Variants in EFR3A observed in about 807,000 individuals in gnomAD.
EFR3A encodes EFR3 homolog A.
In EFR3A, 76 loss-of-function variants were observed where a neutral mutation model predicts 104.4. The ratio of observed to expected loss-of-function variants is 0.73; its 90% confidence interval spans 0.60 to 0.88. The LOEUF is 0.88. Among genes scored for constraint, EFR3A ranks in the 40% least tolerant of loss-of-function variants. The pLI is 0.00. For missense variants in EFR3A, 985 were observed against 1,012.5 expected (o/e 0.97, Z 0.37); for synonymous variants, 330 against 330.0 (o/e 1.00, Z 0.00).
Position 131,904,336 on chromosome 8 carries a change from C to T in EFR3A, c.10+14C>T, listed in dbSNP as rs757992084. 1.6e-6 allele frequency: 2 copies of T among 1,250,624 alleles called. No individual in the cohort carries two copies. Among genetic ancestry groups the T allele is most frequent in the Admixed American group, 4.2e-5 (1 of 23,710 alleles). The allele number at this position is 1,250,624 out of a possible 1,614,324, so 77.5% of individuals were successfully genotyped here. A position where few individuals can be genotyped will look rare whatever the true frequency, so the allele number is the denominator to read the frequency against. ...CCATGCCTACCCGTGAGTGGCCGGC[C>T]GAGGGCCGGGGGCGTTGGGAGGCGA... On this transcript the variant is annotated intron_variant, in intron 1 of 22. Transcript: ENST00000254624.
intron 1 of EFR3A, among the ~76,000 whole-genome samples, chr8:131,907,570 G>C (rs1481177709): frequency 6.6e-6 from 1 of 152,032 alleles, no homozygotes. Flanking sequence ...CTCCATGTTT[G>C]TTTTTCTTTT....
At chr8:131,927,282 A>G (rs996917323) in intron 1 of EFR3A, among the ~76,000 whole-genome samples, 3 of 152,206 alleles carry the variant, frequency 2.0e-5, no homozygotes, top group African/African-American at 7.2e-5. Context: ...AGCCTGGCCT[A>G]TTCTTCATAC....
intron 1 of EFR3A, among the ~76,000 whole-genome samples, chr8:131,919,806 C>G (rs975618453): frequency 6.6e-6 from 1 of 151,344 alleles, no homozygotes; most frequent in Admixed American, 6.6e-5. Flanking sequence ...ACGAAAGACT[C>G]TGAAATCCCA....
chr8:131,982,135 A>G (rs73349380), intron 14 of EFR3A, among the ~76,000 whole-genome samples: 2,230 of 152,224 alleles, frequency 0.015, 65 homozygotes, highest in African/African-American at 0.049. Context: ...GGTAATCACT[A>G]TCATTGCTCT....
chr8:131,966,800 G>GT (rs748052278), intron 8 of EFR3A, among the ~76,000 whole-genome samples: 30 of 152,162 alleles, frequency 2.0e-4, no homozygotes, highest in Non-Finnish European at 4.4e-5. Flanking sequence ...AAACTTCAGT[G>GT]TAAGGGCAAA....
chr8:131,952,275 C>G (rs1818745747), intron 5 of EFR3A, among the ~76,000 whole-genome samples: 1 of 152,058 alleles, frequency 6.6e-6, no homozygotes, highest in African/African-American at 2.4e-5. Flanking sequence ...TTAAATTGTT[C>G]AACATTTCTA....
intron 8 of EFR3A, among the ~76,000 whole-genome samples, chr8:131,966,259 C>A (rs1231464094): frequency 6.6e-6 from 1 of 151,926 alleles, no homozygotes; most frequent in Non-Finnish European, 1.5e-5. Flanking sequence ...TTCTGCATGA[C>A]CTTAGACAAG....
intron 18 of EFR3A, 138 bp from the exon 19 acceptor site, chr8:131,996,268 A>G: frequency 1.9e-6 from 1 of 522,498 alleles, no homozygotes. Context: ...CGCTGCTTTT[A>G]TGTATTTAGA....
intron 1 of EFR3A, among the ~76,000 whole-genome samples, chr8:131,918,252 A>G (rs1021415549): frequency 1.3e-5 from 2 of 152,204 alleles, no homozygotes; most frequent in East Asian, 3.8e-4. Flanking sequence ...GCACCACTGC[A>G]CTCCAGCCTG....
intron 19 of EFR3A, among the ~76,000 whole-genome samples, chr8:132,000,437 G>A (rs1392632480): frequency 1.3e-5 from 2 of 152,104 alleles, no homozygotes; most frequent in Non-Finnish European, 1.5e-5. Context: ...CGACTTGGGG[G>A]TTCTTGATGC....
chr8:132,007,213 G>T (rs1015602808), intron 22 of EFR3A, among the ~76,000 whole-genome samples: 1 of 151,750 alleles, frequency 6.6e-6, no homozygotes, highest in Admixed American at 6.6e-5. Context: ...CAGATGACAT[G>T]GTTGTGTATG....
chr8:131,909,589 T>C (rs1816415300), intron 1 of EFR3A, among the ~76,000 whole-genome samples: 1 of 152,152 alleles, frequency 6.6e-6, no homozygotes, highest in Non-Finnish European at 1.5e-5. Context: ...TTGTGTTCTT[T>C]GCAGGCCTGT....
Position 132,010,828 on chromosome 8 carries a change from C to T in EFR3A, c.2399C>T (p.Ser800Phe), listed in dbSNP as rs761190171. The change falls in exon 23 of 23, where the codon TCT becomes TTT. Residue 800 changes from serine to phenylalanine, a missense_variant. Physicochemically the swap from Ser to Phe is radical, Grantham distance 155 (BLOSUM62 -2). Transcript: ENST00000254624. ...CCATCAGGAACACTGACCATTACTT[C>T]TGGGCATGCCCAATACCAATCTGTC... Reference protein sequence around the residue: ...PSPSGTLTITSGHAQYQSVPV... With the variant: ...PSPSGTLTITFGHAQYQSVPV... 2.5e-6 allele frequency: 4 copies of T among 1,612,582 alleles called. No individual in the cohort carries two copies. The African/African-American group carries it at 5.3e-5, about 22-fold the overall frequency.
chr8:131,960,352 AT>A (rs200422066), intron 8 of EFR3A, among the ~76,000 whole-genome samples: 2 of 151,902 alleles, frequency 1.3e-5, no homozygotes, highest in African/African-American at 4.8e-5. Context: ...ATGGGGGCTG[AT>A]TTTTTTCCTC....
intron 1 of EFR3A, among the ~76,000 whole-genome samples, chr8:131,907,791 C>T (rs935637393): frequency 6.6e-6 from 1 of 151,876 alleles, no homozygotes; most frequent in East Asian, 1.9e-4. Context: ...CCTCTTCCCC[C>T]CTTTCCTCAT....
chr8:131,982,056 T>G lies in EFR3A; in HGVS notation c.1576-2083T>G, dbSNP rs146053410. 5.9e-3 allele frequency among the ~76,000 whole-genome samples: 894 copies of G among 152,236 alleles called. 15 individuals carry two copies. The highest frequency in any genetic ancestry group is 0.02 in the African/African-American group (847 of 41,562). ...AATTATTACTTTAATTATTTTAAGG[T>G]GAACAACAGTATAACCAAAAGCATC... On this transcript the variant is annotated intron_variant, in intron 14 of 22. Coordinates refer to ENST00000254624, the MANE Select transcript of EFR3A (RefSeq NM_015137.6).
rs796460519 is a variant in EFR3A, at chr8:132,001,951, T to C, written c.2206+144T>C. The C allele has an allele frequency of 1.3e-5, 9 of 684,384 alleles. No homozygotes were observed. In the African/African-American group the frequency reaches 1.4e-4, roughly 11 times the overall value. The allele number at this position is 684,384 out of a possible 1,614,324, so 42.4% of individuals were successfully genotyped here. ...GCTTCTATAGACATGTATCATTTAT[T>C]TAGCTACATGTTTTAGGCTTCAGAA... On this transcript the variant is annotated intron_variant, in intron 20 of 22. Coordinates refer to ENST00000254624, the MANE Select transcript of EFR3A (RefSeq NM_015137.6).
At chr8:131,961,826 A>T (rs1456401771) in intron 8 of EFR3A, among the ~76,000 whole-genome samples, 1 of 152,224 alleles carries the variant, frequency 6.6e-6, no homozygotes, top group African/African-American at 2.4e-5. Context: ...CGGGTTACCC[A>T]CAAAGGGAAG....
At chr8:131,911,419 T>C (rs954089889) in intron 1 of EFR3A, among the ~76,000 whole-genome samples, 5 of 152,172 alleles carry the variant, frequency 3.3e-5, no homozygotes, top group Non-Finnish European at 1.5e-5. Context: ...GTTTAAGAAT[T>C]GCAGGATCAC....
Sources: allele counts gnomAD v4.1 joint callset (sites outside exome capture counted in the v4.1 genomes callset), GRCh38; gene constraint gnomAD v4.1.1; transcripts MANE v1.5; gene names NCBI Gene and HGNC (gene_info 2026-07-23, HGNC 2026-07-21).